Variants in MANEA observed in about 807,000 individuals in gnomAD.
MANEA encodes the protein glycoprotein endo-alpha-1,2-mannosidase.
MANEA carries 25 observed loss-of-function variants against 36.8 expected under a neutral mutation model. The ratio of observed to expected loss-of-function variants is 0.68; its 90% CI spans 0.50 to 0.95. MANEA has a LOEUF of 0.95. Among genes scored for constraint, MANEA ranks in the 40% least tolerant of loss-of-function variants. The pLI is 0.00. For missense variants in MANEA, 565 were observed against 558.8 expected (o/e 1.01, Z -0.11); for synonymous variants, 198 against 188.5 (o/e 1.05, Z -0.41).
intron 1 of MANEA, among the ~76,000 whole-genome samples, chr6:95,583,008 A>T (rs1174745438): frequency 6.6e-6 from 1 of 152,202 alleles, no homozygotes; most frequent in African/African-American, 2.4e-5. Context: ...TGATAAAGTC[A>T]ATTTTGATCA....
At chr6:95,602,409 A>T (rs1769610424) in intron 3 of MANEA, among the ~76,000 whole-genome samples, 1 of 152,116 alleles carries the variant, frequency 6.6e-6, no homozygotes, top group African/African-American at 2.4e-5. Flanking sequence ...GTGGCAGGGG[A>T]TAGGGGAGTG....
At chr6:95,598,363 G>A (rs1769521401) in intron 3 of MANEA, among the ~76,000 whole-genome samples, 1 of 152,140 alleles carries the variant, frequency 6.6e-6, no homozygotes, top group Non-Finnish European at 1.5e-5. Flanking sequence ...GGAGGTTACA[G>A]GCAAGCTATT....
intron 1 of MANEA, among the ~76,000 whole-genome samples, chr6:95,583,024 T>G (rs2127937916): frequency 6.6e-6 from 1 of 152,316 alleles, no homozygotes; most frequent in South Asian, 2.1e-4. Flanking sequence ...GATCACTAGT[T>G]TAAATTGGTG....
At position 95,606,444 on chromosome 6, in the gene MANEA, A is replaced by G; in HGVS notation, c.*39A>G. ...GTTTAATAGTTATCAAAATCACCTA[A>G]TTTTTAAAAATAGCTTTCGTTTTGA... On this transcript the variant is annotated 3_prime_UTR_variant, in exon 5 of 5. Transcript: ENST00000358812. 1.4e-6 allele frequency: 2 copies of G among 1,452,926 alleles called. No homozygotes were observed. The highest frequency in any genetic ancestry group is 1.8e-6 in the Non-Finnish European group (2 of 1,086,004). 90.0% of individuals were successfully genotyped at this position (1,452,926 alleles called of 1,614,324 possible).
At chr6:95,591,492 A>C (rs1431428574) in intron 2 of MANEA, among the ~76,000 whole-genome samples, 1 of 150,824 alleles carries the variant, frequency 6.6e-6, no homozygotes, top group South Asian at 2.1e-4. Flanking sequence ...TCTTGGATGG[A>C]TATGTTTTGT....
In MANEA at chr6:95,608,189, G is replaced by A. The variant is rs1337072603; in HGVS notation, c.*1784G>A. The A allele has an allele frequency of 6.6e-6, 1 of 151,732 alleles. No individual in the cohort carries two copies. The highest frequency in any genetic ancestry group is 1.5e-5 in the Non-Finnish European group (1 of 67,742). 9.4% of individuals were successfully genotyped at this position (151,732 alleles called of 1,614,324 possible). A position where few individuals can be genotyped will look rare whatever the true frequency, so the allele number is the denominator to read the frequency against. Reference sequence around the variant, plus strand: ...TCCAACCTGTGGATTTTCTTCTTATGTCCATTTAACTAGAATATATTATTT... The same window carrying A: ...TCCAACCTGTGGATTTTCTTCTTATATCCATTTAACTAGAATATATTATTT... On this transcript the variant is annotated 3_prime_UTR_variant, in exon 5 of 5. Transcript: ENST00000358812.
intron 1 of MANEA, among the ~76,000 whole-genome samples, chr6:95,584,531 T>G (rs1018492001): frequency 1.3e-5 from 2 of 152,160 alleles, no homozygotes; most frequent in Non-Finnish European, 2.9e-5. Flanking sequence ...CGAACCCTGT[T>G]TTCTGTTGTT....
rs533885257 is a variant in MANEA at position 95,598,304 on chromosome 6, A to G, written c.654+1458A>G. 6.1e-4 allele frequency among the ~76,000 whole-genome samples: 93 copies of G among 152,288 alleles called. 1 individual carries two copies. In the Middle Eastern group the frequency reaches 0.014, roughly 22 times the overall value. On this transcript the variant is annotated intron_variant, in intron 3 of 4. Coordinates refer to ENST00000358812, the MANE Select transcript of MANEA (RefSeq NM_024641.4). Reference sequence around the variant, plus strand: ...TACCTCACACAATTTCTAAGGGTCAAGCATCTGGAAGTGGCTTATTTGGGA... The same window carrying G: ...TACCTCACACAATTTCTAAGGGTCAGGCATCTGGAAGTGGCTTATTTGGGA...
chr6:95,609,100 TATG>T lies in MANEA; in HGVS notation c.*2698_*2700del, dbSNP rs1048757124. 1 of 151,830 alleles carries T rather than the reference TATG, an allele frequency of 6.6e-6. No individual in the cohort carries two copies. Among genetic ancestry groups the T allele is most frequent in the African/African-American group, 2.4e-5 (1 of 41,430 alleles). 9.4% of individuals were successfully genotyped at this position (151,830 alleles called of 1,614,324 possible). ...TTAGTTGTAACACAGTTTAAATTGTTATGATAACAAGTAAATAAGAGCAAAGAA... is the reference window on the plus strand; with the variant it reads ...TTAGTTGTAACACAGTTTAAATTGTTATAACAAGTAAATAAGAGCAAAGAA... On this transcript the variant is annotated 3_prime_UTR_variant, in exon 5 of 5. Transcript: ENST00000358812.
intron 3 of MANEA, among the ~76,000 whole-genome samples, chr6:95,599,502 T>G (rs1028736396): frequency 6.6e-6 from 1 of 152,168 alleles, no homozygotes; most frequent in Admixed American, 6.5e-5. Context: ...CTGAAGCTTT[T>G]TATTTGCTCT....
intron 2 of MANEA, among the ~76,000 whole-genome samples, chr6:95,594,111 A>T (rs550264415): frequency 6.6e-6 from 1 of 152,066 alleles, no homozygotes; most frequent in East Asian, 1.9e-4. Context: ...TGTGCGTGCT[A>T]GGAGAGGGGT....
In MANEA at chr6:95,577,655, G is replaced by T. The variant is rs1769092081; in HGVS notation, c.-39+17G>T. 6.6e-6 allele frequency: 1 copy of T among 152,392 alleles called. No homozygotes were observed. Among genetic ancestry groups the T allele is most frequent in the African/African-American group, 2.4e-5 (1 of 41,466 alleles). The allele number at this position is 152,392 out of a possible 1,614,324, so 9.4% of individuals were successfully genotyped here. On this transcript the variant is annotated intron_variant, in intron 1 of 4. Coordinates refer to ENST00000358812, the MANE Select transcript of MANEA (RefSeq NM_024641.4). ...CCGACCCTGGTGAGTAGCTGCAGGA[G>T]TCAGACCTCTTGGAGGCGGCGGCGC...
At chr6:95,586,335 C>T (rs375049546) in intron 1 of MANEA, 67 bp from the exon 2 acceptor site, 59 of 869,276 alleles carry the variant, frequency 6.8e-5, no homozygotes, top group Middle Eastern at 3.5e-4. Context: ...TTTTAGTTTT[C>T]GTGTTGAATA....
Position 95,586,474 on chromosome 6 carries a change from T to C in MANEA, c.35T>C (p.Leu12Ser). 6.2e-7 allele frequency: 1 copy of C among 1,611,434 alleles called. No homozygotes were observed. Among genetic ancestry groups the C allele is most frequent in the Non-Finnish European group, 8.5e-7 (1 of 1,178,568 alleles). ...TTTCGGAGAAGGACTTGCATCATTTTGGCACTTTTTATTCTATTTATTTTC... is the reference window on the plus strand; with the variant it reads ...TTTCGGAGAAGGACTTGCATCATTTCGGCACTTTTTATTCTATTTATTTTC... ...AKFRRRTCII[L>S]ALFILFIFSL... The change falls in exon 2 of 5, where the codon TTG (leucine) becomes TCG (serine). Residue 12 changes from leucine (L) to serine (S), a missense_variant. Leu to Ser is a moderately radical substitution (Grantham distance 145). Coordinates refer to ENST00000358812, the MANE Select transcript of MANEA (RefSeq NM_024641.4).
chr6:95,608,696 G>A lies in MANEA; in HGVS notation c.*2291G>A, dbSNP rs1157983908. ...TACAGTCATCCCTCAGTGTCTGTGG[G>A]GGATTGGTTCCAGTTACCCCTATAG... is the stretch of plus-strand genomic sequence containing the variant. On this transcript the variant is annotated 3_prime_UTR_variant, in exon 5 of 5. Coordinates refer to ENST00000358812, the MANE Select transcript of MANEA (RefSeq NM_024641.4). 1 of 151,626 alleles carries A rather than the reference G, an allele frequency of 6.6e-6. No individual in the cohort carries two copies. Among genetic ancestry groups the A allele is most frequent in the Non-Finnish European group, 1.5e-5 (1 of 67,724 alleles). 9.4% of individuals were successfully genotyped at this position (151,626 alleles called of 1,614,324 possible). A position where few individuals can be genotyped will look rare whatever the true frequency, so the allele number is the denominator to read the frequency against.
chr6:95,586,222 T>C (rs920620437), intron 1 of MANEA, among the ~76,000 whole-genome samples, 180 bp from the exon 2 acceptor site: 5 of 152,232 alleles, frequency 3.3e-5, no homozygotes, highest in Non-Finnish European at 7.3e-5. Context: ...ACCCTTATTG[T>C]ACACATTTAT....
intron 2 of MANEA, 197 bp downstream of exon 2, chr6:95,587,180 T>C (rs1769305520): frequency 2.0e-6 from 1 of 489,276 alleles, no homozygotes. Context: ...GTATATTGTT[T>C]AATTTTTACA....
At chr6:95,584,021 T>G (rs1376097816) in intron 1 of MANEA, among the ~76,000 whole-genome samples, 1 of 152,166 alleles carries the variant, frequency 6.6e-6, no homozygotes, top group Non-Finnish European at 1.5e-5. Context: ...TCATGGACAT[T>G]TATCACTTCC....
At chr6:95,601,482 A>G (rs1188753602) in intron 3 of MANEA, among the ~76,000 whole-genome samples, 1 of 152,262 alleles carries the variant, frequency 6.6e-6, no homozygotes, top group East Asian at 1.9e-4. Flanking sequence ...TCTCTTTTAT[A>G]AGAAAAGCAT....
Sources: gnomAD v4.1 joint callset for allele counts (sites outside exome capture counted in the v4.1 genomes callset) on GRCh38, gnomAD v4.1.1 for gene constraint, MANE v1.5 for transcripts, NCBI Gene and HGNC (gene_info 2026-07-23, HGNC 2026-07-21) for gene names.